The following TRPV6 variants were observed in gnomAD, a reference collection of about 807,000 sequenced individuals.
The protein encoded by TRPV6 is Alu-binding protein with zinc finger domain.
TRPV6 carries 39 observed loss-of-function variants against 79.0 expected under a neutral mutation model. The observed-to-expected ratio is 0.49, with a 90% CI of 0.38 to 0.64. TRPV6 has a LOEUF of 0.64. Among genes scored for constraint, TRPV6 ranks in the 30% least tolerant of loss-of-function variants. The pLI, the probability that TRPV6 is intolerant of heterozygous loss-of-function variation, is 0.00. For missense variants in TRPV6, 813 were observed against 1,011.1 expected (o/e 0.80, Z 2.66); for synonymous variants, 373 against 391.9 (o/e 0.95, Z 0.57).
In TRPV6 at chr7:142,884,109, G is replaced by A. The variant is rs542111873; in HGVS notation, c.248+1280C>T. Reference sequence around the variant, plus strand: ...CCCTGGGGTCCTAAGAGTGGGAAGAGGATGAGTGAAGCCAGTGAGGACGAC... The same window carrying A: ...CCCTGGGGTCCTAAGAGTGGGAAGAAGATGAGTGAAGCCAGTGAGGACGAC... On this transcript the variant is annotated intron_variant, in intron 1 of 14. Transcript: ENST00000359396. The A allele has an allele frequency of 3.9e-5, 6 of 152,346 alleles. No individual in the cohort carries two copies. In the East Asian group the frequency reaches 1.2e-3, roughly 29 times the overall value. 9.4% of individuals were successfully genotyped at this position (152,346 alleles called of 1,614,324 possible).
Position 142,875,669 on chromosome 7 carries a change from G to T in TRPV6, c.1041C>A (p.Ile347=), listed in dbSNP as rs1414818683. ...GCTCCTTCACCGGCGTCTGGTCCAGGATCTGGCGAGCCTGCAACAGAAAGA... is the reference window on the plus strand; with the variant it reads ...GCTCCTTCACCGGCGTCTGGTCCAGTATCTGGCGAGCCTGCAACAGAAAGA... Residue 347 remains isoleucine, a synonymous_variant, in exon 8 of 15, where the codon ATC becomes ATA. Transcript: ENST00000359396. 6.2e-7 allele frequency: 1 copy of T among 1,612,250 alleles called. No homozygotes were observed. The highest frequency in any genetic ancestry group is 8.5e-7 in the Non-Finnish European group (1 of 1,179,214).
At chr7:142,884,273 C>G (rs1319453381) in intron 1 of TRPV6, 5 of 152,436 alleles carry the variant, frequency 3.3e-5, no homozygotes, top group Non-Finnish European at 7.3e-5. Flanking sequence ...AGAAAGAGAC[C>G]ATCCCCAACC....
intron 13 of TRPV6, among the ~76,000 whole-genome samples, 157 bp from the exon 14 acceptor site, chr7:142,872,635 C>G (rs1275123451): frequency 6.6e-6 from 1 of 152,138 alleles, no homozygotes; most frequent in Non-Finnish European, 1.5e-5. Flanking sequence ...ATGACGCAGC[C>G]AGGCCAGAGG....
At chr7:142,874,350 T>A in intron 11 of TRPV6, 141 bp downstream of exon 11, 1 of 1,284,706 alleles carries the variant, frequency 7.8e-7, no homozygotes, top group African/African-American at 1.5e-5. Flanking sequence ...TTAAAAGGAT[T>A]GTTAAAAAAG....
chr7:142,871,403 C>G lies in TRPV6; in HGVS notation c.*304G>C. 2.2e-6 allele frequency: 1 copy of G among 454,546 alleles called. No individual in the cohort carries two copies. The highest frequency in any genetic ancestry group is 2.6e-5 in the South Asian group (1 of 38,234). 28.2% of individuals were successfully genotyped at this position (454,546 alleles called of 1,614,324 possible). ...GGTGGAGACCGAGCGCCCAAGCAGG[C>G]TGGCCTGTTTTTAAAGTGCTCTGAC... On this transcript the variant is annotated 3_prime_UTR_variant, in exon 15 of 15. Coordinates refer to ENST00000359396, the MANE Select transcript of TRPV6 (RefSeq NM_018646.6).
intron 1 of TRPV6, chr7:142,880,108 A>G (rs1028916448): frequency 1.3e-5 from 2 of 152,218 alleles, no homozygotes; most frequent in African/African-American, 2.4e-5. Context: ...TATTATTTTC[A>G]TCAGCTGCCC....
Position 142,885,710 on chromosome 7 carries a change from G to T in TRPV6, c.-74C>A. The stretch of plus-strand genomic sequence containing the variant: ...CCCCAGCCAGTTTGGAGAGGGCTGT[G>T]AGTTTGTTACACTTGGCAGAGCCAG... On this transcript the variant is annotated 5_prime_UTR_variant, in exon 1 of 15. Transcript: ENST00000359396. The T allele has an allele frequency of 1.4e-6, 1 of 693,018 alleles. No individual in the cohort carries two copies. The highest frequency in any genetic ancestry group is 2.2e-6 in the Non-Finnish European group (1 of 447,586). 42.9% of individuals were successfully genotyped at this position (693,018 alleles called of 1,614,324 possible). A position where few individuals can be genotyped will look rare whatever the true frequency, so the allele number is the denominator to read the frequency against.
rs1375377452 is a variant in TRPV6, at chr7:142,875,136, A to G, written c.1271T>C (p.Ile424Thr). ...AGTCACCAGCTCCCCGACCAGCCGG[A>G]TATCGTCCTTAGGGGTCATGTAGGC... The change falls in exon 9 of 15, where the codon ATC (isoleucine) becomes ACC (threonine). Residue 424 changes from isoleucine to threonine, a missense_variant. By Grantham distance (89) the Ile-to-Thr change is moderately conservative. Transcript: ENST00000359396. The G allele has an allele frequency of 5.6e-6, 9 of 1,613,940 alleles. No homozygotes were observed. Among genetic ancestry groups the G allele is most frequent in the Admixed American group, 3.3e-5 (2 of 59,992 alleles).
At position 142,873,370 on chromosome 7, in the gene TRPV6, C is replaced by T. The variant is rs772954688; in HGVS notation, c.1908+78G>A. 4.1e-5 allele frequency: 64 copies of T among 1,570,756 alleles called. No individual in the cohort carries two copies. Among genetic ancestry groups the T allele is most frequent in the Non-Finnish European group, 5.3e-5 (61 of 1,154,754 alleles). Reference sequence around the variant, plus strand: ...CCAAACATAAGTGGGGTGGAGATATCCTGTCTCTCAGCTTGGCAGGTTCCT... The same window carrying T: ...CCAAACATAAGTGGGGTGGAGATATTCTGTCTCTCAGCTTGGCAGGTTCCT... On this transcript the variant is annotated intron_variant, in intron 13 of 14. Transcript: ENST00000359396. The surrounding 1 kb of genome is among the most constrained non-coding windows in gnomAD (Gnocchi z 4.8).
intron 11 of TRPV6, 143 bp downstream of exon 11, chr7:142,874,348 A>G: frequency 7.9e-7 from 1 of 1,272,476 alleles, no homozygotes; most frequent in Admixed American, 2.0e-5. Context: ...TTTTAAAAGG[A>G]TTGTTAAAAA....
rs190104733 is a variant in TRPV6, at chr7:142,872,106, T to C, written c.2016-117A>G. 3.3e-5 allele frequency: 47 copies of C among 1,413,436 alleles called. No homozygotes were observed. The African/African-American group carries it at 6.4e-4, about 19-fold the overall frequency. 87.6% of individuals were successfully genotyped at this position (1,413,436 alleles called of 1,614,324 possible). A position where few individuals can be genotyped will look rare whatever the true frequency, so the allele number is the denominator to read the frequency against. Reference sequence around the variant, plus strand: ...CCCGCCATTGCTGGCCTTTTCCCTTTTCTGCAGCCATGGTGGATGCCTGGG... The same window carrying C: ...CCCGCCATTGCTGGCCTTTTCCCTTCTCTGCAGCCATGGTGGATGCCTGGG... On this transcript the variant is annotated intron_variant, in intron 14 of 14. Coordinates refer to ENST00000359396, the MANE Select transcript of TRPV6 (RefSeq NM_018646.6).
chr7:142,885,370 C>A lies in TRPV6; in HGVS notation c.248+19G>T, dbSNP rs745619657. 1 of 1,601,750 alleles carries A rather than the reference C, an allele frequency of 6.2e-7. No homozygotes were observed. The highest frequency in any genetic ancestry group is 1.7e-5 in the Admixed American group (1 of 59,118). ...AGGCCTGGGGAGGTGGGGAAGGGAG[C>A]AGACCAAGGGGGCCTTACCTCTTCT... On this transcript the variant is annotated intron_variant, in intron 1 of 14. Coordinates refer to ENST00000359396, the MANE Select transcript of TRPV6 (RefSeq NM_018646.6).
chr7:142,873,790 A>T lies in TRPV6; in HGVS notation c.1640-74T>A. 1 of 1,584,192 alleles carries T rather than the reference A, an allele frequency of 6.3e-7. No homozygotes were observed. The highest frequency in any genetic ancestry group is 1.3e-5 in the African/African-American group (1 of 74,382). ...CCAGCCCACCCCGGGCTCTGCGTGC[A>T]TGTCCATCCTGGTCCCTTCATCTCA... On this transcript the variant is annotated intron_variant, in intron 12 of 14. Transcript: ENST00000359396. This position sits in a 1 kb window ranked among gnomAD's most constrained non-coding sequence, Gnocchi z 4.8.
intron 12 of TRPV6, 43 bp downstream of exon 12, chr7:142,874,033 A>T: frequency 6.2e-7 from 1 of 1,602,068 alleles, no homozygotes; most frequent in Non-Finnish European, 8.5e-7. Context: ...AGACTTCCTC[A>T]TCTCTTCCCT....
chr7:142,871,926 G>C lies in TRPV6; in HGVS notation c.2079C>G (p.Thr693=). ...CTTTGTCCAAATCCTCAGAGCCCCG[G>C]GTGTGGAAGGCCTGTGCGTAGCGTT... Residue 693 remains threonine, a synonymous_variant, in exon 15 of 15, where the codon ACC becomes ACG. Transcript: ENST00000359396. The C allele has an allele frequency of 1.2e-6, 2 of 1,614,044 alleles. No individual in the cohort carries two copies. Among genetic ancestry groups the C allele is most frequent in the South Asian group, 2.2e-5 (2 of 91,052 alleles).
At chr7:142,885,221 A>G in intron 1 of TRPV6, 168 bp downstream of exon 1, 1 of 695,206 alleles carries the variant, frequency 1.4e-6, no homozygotes, top group Admixed American at 3.2e-5. Context: ...CACCAGCCCT[A>G]CAGGCTGAGG....
rs138580726 is a variant in TRPV6, at chr7:142,877,306, G to A, written c.470-27C>T. 112 of 1,611,314 alleles carry A rather than the reference G, an allele frequency of 7.0e-5. No individual in the cohort carries two copies. The African/African-American group carries it at 9.1e-4, about 13-fold the overall frequency. ...TGGCCCAGAGACAGCTGTCAGTCAC[G>A]GGTCTGTCCCCAGGATCCTGCAGGG... On this transcript the variant is annotated intron_variant, in intron 3 of 14. Transcript: ENST00000359396.
At chr7:142,872,035 C>G (rs1794945984) in intron 14 of TRPV6, 46 bp from the exon 15 acceptor site, 18 of 1,541,670 alleles carry the variant, frequency 1.2e-5, no homozygotes, top group Non-Finnish European at 1.6e-5. Flanking sequence ...ACTTGAAGAA[C>G]AGATCCAAGA....
chr7:142,874,852 G>T, intron 10 of TRPV6, 52 bp downstream of exon 10: 1 of 1,606,134 alleles, frequency 6.2e-7, no homozygotes, highest in Non-Finnish European at 8.5e-7. Flanking sequence ...CCAAGGAGTG[G>T]AACTGGAGCC....
Sources: allele counts gnomAD v4.1 joint callset (sites outside exome capture counted in the v4.1 genomes callset), GRCh38; gene constraint gnomAD v4.1.1; non-coding constraint Gnocchi (gnomAD v3.1); transcripts MANE v1.5; gene names NCBI Gene and HGNC (gene_info 2026-07-23, HGNC 2026-07-21).